The following ENTPD1 variants were observed in gnomAD, a reference collection of about 807,000 sequenced individuals.
ENTPD1 encodes the protein ATP diphosphohydrolase.
ENTPD1 carries 33 observed loss-of-function variants against 57.0 expected under a neutral mutation model. The observed-to-expected ratio is 0.58, with a 90% CI of 0.44 to 0.77. ENTPD1 has a LOEUF of 0.77. Among genes scored for constraint, ENTPD1 ranks in the 30% least tolerant of loss-of-function variants. ENTPD1 has a pLI of 0.00. For missense variants in ENTPD1, 501 were observed against 603.4 expected (o/e 0.83, Z 1.78); for synonymous variants, 202 against 218.8 (o/e 0.92, Z 0.68).
chr10:95,873,827 T>C lies in ENTPD1; in HGVS notation c.*7444T>C. On this transcript the variant is annotated 3_prime_UTR_variant, in exon 10 of 10. Coordinates refer to ENST00000371205, the MANE Select transcript of ENTPD1 (RefSeq NM_001776.6). ...AAATCAGGTGGGAGGCAAAAGGTAC[T>C]TCTTACGTGGTGGCATCAAGAGCAA... is the stretch of plus-strand genomic sequence containing the variant. 1 of 468,276 alleles carries C rather than the reference T, an allele frequency of 2.1e-6. No individual in the cohort carries two copies. Among genetic ancestry groups the C allele is most frequent in the African/African-American group, 2.1e-5 (1 of 47,382 alleles). The allele number at this position is 468,276 out of a possible 1,614,324, so 29.0% of individuals were successfully genotyped here.
At chr10:95,761,952 G>T (rs1412522433) in intron 1 of ENTPD1, among the ~76,000 whole-genome samples, 1 of 152,194 alleles carries the variant, frequency 6.6e-6, no homozygotes, top group Non-Finnish European at 1.5e-5. Flanking sequence ...AATTCTAGGA[G>T]CAAAGCAAGG....
At chr10:95,835,995 T>C (rs2098408674) in intron 2 of ENTPD1, among the ~76,000 whole-genome samples, 1 of 152,210 alleles carries the variant, frequency 6.6e-6, no homozygotes, top group Non-Finnish European at 1.5e-5. Flanking sequence ...TTGAGTTAAT[T>C]TTTGTATATT....
chr10:95,746,255 G>A (rs2098005938), intron 1 of ENTPD1, among the ~76,000 whole-genome samples: 1 of 152,164 alleles, frequency 6.6e-6, no homozygotes. Flanking sequence ...TGCCACCTAT[G>A]TGCCAGAGTC....
In ENTPD1 at chr10:95,877,166, G is replaced by A. The variant is rs574779369; in HGVS notation, c.*10783G>A. Among the ~76,000 whole-genome samples, 64 of 152,310 alleles carry A rather than the reference G, an allele frequency of 4.2e-4. No homozygotes were observed. The highest frequency in any genetic ancestry group is 1.5e-3 in the African/African-American group (61 of 41,572). ...TCTCCTAGAATATTTCATTGGCATTGAGAAGGTGGAAAATGCAAATTATAT... is the reference window on the plus strand; with the variant it reads ...TCTCCTAGAATATTTCATTGGCATTAAGAAGGTGGAAAATGCAAATTATAT... On this transcript the variant is annotated 3_prime_UTR_variant, in exon 10 of 10. Transcript: ENST00000371205.
intron 1 of ENTPD1, among the ~76,000 whole-genome samples, chr10:95,773,991 G>A (rs558363650): frequency 1.2e-4 from 18 of 152,034 alleles, no homozygotes; most frequent in Non-Finnish European, 1.9e-4. Flanking sequence ...CCTCTCCAGC[G>A]TCTGTTGTTT....
upstream of ENTPD1, among the ~76,000 whole-genome samples, chr10:95,711,030 G>A (rs4457678): frequency 2.0e-4 from 31 of 151,988 alleles, no homozygotes; most frequent in Admixed American, 1.2e-3. Context: ...GTGCCCTCTC[G>A]GACTTTCTCT....
chr10:95,809,563 C>A, intron 1 of ENTPD1, among the ~76,000 whole-genome samples: 1 of 122,578 alleles, frequency 8.2e-6, no homozygotes, highest in South Asian at 2.9e-4. Context: ...GGGGCGGATG[C>A]TGGGCAGAGG....
chr10:95,694,424 A>T, the ENTPD1 span, among the ~76,000 whole-genome samples: 400 of 149,380 alleles, frequency 2.7e-3, no homozygotes, highest in Non-Finnish European at 4.7e-3. Flanking sequence ...GCTTTTTTAA[A>T]AAAAAAAAAA....
upstream of ENTPD1, among the ~76,000 whole-genome samples, chr10:95,708,187 C>CT (rs1021422829): frequency 2.1e-4 from 31 of 148,350 alleles, no homozygotes; most frequent in Non-Finnish European, 3.9e-4. Flanking sequence ...GATTTAACTT[C>CT]TTTTTTTTAA....
At chr10:95,765,222 G>A (rs2098083932) in intron 1 of ENTPD1, among the ~76,000 whole-genome samples, 1 of 152,002 alleles carries the variant, frequency 6.6e-6, no homozygotes, top group Non-Finnish European at 1.5e-5. Flanking sequence ...AGTTTCTTTG[G>A]TTCTTATGGT....
intron 1 of ENTPD1, among the ~76,000 whole-genome samples, chr10:95,760,944 C>T (rs890931964): frequency 3.3e-5 from 5 of 149,700 alleles, no homozygotes; most frequent in Non-Finnish European, 7.4e-5. Context: ...ATTCTCCTGC[C>T]TCAGCCTCCC....
chr10:95,810,844 C>G (rs2098303250), intron 1 of ENTPD1, among the ~76,000 whole-genome samples: 1 of 152,284 alleles, frequency 6.6e-6, no homozygotes, highest in South Asian at 2.1e-4. Context: ...TACCTTCCTC[C>G]TCACTAAATG....
intron 1 of ENTPD1, among the ~76,000 whole-genome samples, chr10:95,766,132 C>G (rs2098087459): frequency 6.6e-6 from 1 of 152,148 alleles, no homozygotes; most frequent in Non-Finnish European, 1.5e-5. Flanking sequence ...ATCATTCTCT[C>G]TTCCCTTTTA....
chr10:95,736,833 G>C (rs2097995168), intron 1 of ENTPD1, among the ~76,000 whole-genome samples: 1 of 152,108 alleles, frequency 6.6e-6, no homozygotes, highest in Admixed American at 6.6e-5. Flanking sequence ...ATAAACTTCA[G>C]CTCTTGACCC....
At chr10:95,737,501 C>T (rs1223174015) in intron 1 of ENTPD1, among the ~76,000 whole-genome samples, 1 of 151,968 alleles carries the variant, frequency 6.6e-6, no homozygotes, top group Admixed American at 6.5e-5. Flanking sequence ...TATTCTGCCT[C>T]AGCCTCCTGA....
intron 2 of ENTPD1, chr10:95,833,536 A>G (rs2098402376): frequency 6.6e-6 from 1 of 152,094 alleles, no homozygotes; most frequent in Non-Finnish European, 1.5e-5. Flanking sequence ...CATTAAAGCT[A>G]CAGGAACTTT....
chr10:95,819,248 C>T (rs1361869828), intron 1 of ENTPD1, among the ~76,000 whole-genome samples: 1 of 152,140 alleles, frequency 6.6e-6, no homozygotes, highest in South Asian at 2.1e-4. Context: ...ACTACAACCT[C>T]GGTGTCCTGG....
Position 95,873,283 on chromosome 10 carries a change from C to A in ENTPD1, c.*6900C>A. The A allele has an allele frequency of 1.0e-6, 1 of 985,446 alleles. No individual in the cohort carries two copies. Among genetic ancestry groups the A allele is most frequent in the South Asian group, 4.7e-5 (1 of 21,288 alleles). 61.0% of individuals were successfully genotyped at this position (985,446 alleles called of 1,614,324 possible). On this transcript the variant is annotated 3_prime_UTR_variant, in exon 10 of 10. Coordinates refer to ENST00000371205, the MANE Select transcript of ENTPD1 (RefSeq NM_001776.6). ...CATTCACAGGCATTCTGTTCCACAG[C>A]AGGCCAGCTAACGTGGTATTTACAA... is the stretch of plus-strand genomic sequence containing the variant.
At chr10:95,732,303 A>G (rs1057504434) in intron 1 of ENTPD1, among the ~76,000 whole-genome samples, 1 of 152,132 alleles carries the variant, frequency 6.6e-6, no homozygotes, top group Non-Finnish European at 1.5e-5. Context: ...TGTATTCTTC[A>G]TGGAGGCAAA....
Sources: gnomAD v4.1 joint callset for allele counts (sites outside exome capture counted in the v4.1 genomes callset) on GRCh38, gnomAD v4.1.1 for gene constraint, MANE v1.5 for transcripts, NCBI Gene and HGNC (gene_info 2026-07-23, HGNC 2026-07-21) for gene names.